The following STPG2 variants were observed in gnomAD, a reference collection of about 807,000 sequenced individuals.
The protein encoded by STPG2 is sperm tail PG-rich repeat containing 2.
In STPG2, 56 loss-of-function variants were observed where a neutral mutation model predicts 54.2. The observed-to-expected ratio is 1.03, with a 90% confidence interval of 0.83 to 1.29. STPG2 has a LOEUF of 1.29. STPG2 is among the 50% of genes most tolerant of loss of function. STPG2 has a pLI of 0.00. For missense variants in STPG2, 596 were observed against 544.9 expected (o/e 1.09, Z -0.93); for synonymous variants, 200 against 181.8 (o/e 1.10, Z -0.81).
intron 6 of STPG2, among the ~76,000 whole-genome samples, chr4:97,980,705 A>G (rs938514265): frequency 6.6e-6 from 1 of 152,238 alleles, no homozygotes; most frequent in Non-Finnish European, 1.5e-5. Flanking sequence ...ACTGTATGTC[A>G]GCAATTTTAT....
intron 8 of STPG2, among the ~76,000 whole-genome samples, chr4:97,901,957 T>C (rs1034285273): frequency 1.3e-5 from 2 of 151,804 alleles, no homozygotes; most frequent in Non-Finnish European, 2.9e-5. Context: ...ACATAGCAGA[T>C]ACATAGAAAA....
At chr4:97,846,574 G>A (rs186469637) in intron 8 of STPG2, among the ~76,000 whole-genome samples, 125 of 145,758 alleles carry the variant, frequency 8.6e-4, no homozygotes, top group African/African-American at 2.8e-3. Context: ...GCAGTGAGCC[G>A]AGACGGTGCC....
At chr4:97,672,714 T>C (rs980146816) in intron 10 of STPG2, among the ~76,000 whole-genome samples, 1 of 152,120 alleles carries the variant, frequency 6.6e-6, no homozygotes, top group African/African-American at 2.4e-5. Context: ...CAGGAGAACA[T>C]GACTGAGTTT....
At chr4:98,047,098 G>A (rs1428454371) in intron 5 of STPG2, among the ~76,000 whole-genome samples, 1 of 152,026 alleles carries the variant, frequency 6.6e-6, no homozygotes, top group Non-Finnish European at 1.5e-5. Flanking sequence ...TAGCCAGAAG[G>A]AGTAGCCACT....
chr4:97,905,710 C>T (rs1340704916), intron 8 of STPG2, among the ~76,000 whole-genome samples: 2 of 151,970 alleles, frequency 1.3e-5, no homozygotes, highest in African/African-American at 4.8e-5. Context: ...TCAGGAAACC[C>T]ATCTCACGTG....
rs534482744 is a variant in STPG2 at position 97,454,489 on chromosome 4, C to A, written c.462+258210G>T. 5.1e-3 allele frequency among the ~76,000 whole-genome samples: 648 copies of A among 126,314 alleles called. 3 individuals carry two copies. The highest frequency in any genetic ancestry group is 0.017 in the African/African-American group (614 of 35,840). 82.9% of individuals were successfully genotyped at this position (126,314 alleles called of 152,430 possible). A position where few individuals can be genotyped will look rare whatever the true frequency, so the allele number is the denominator to read the frequency against. ...GATTGCGCCACTGCAGTCCGCAGTC[C>A]GGCCTGGGCGACAGAGCGAGACTCC... On this transcript the variant is annotated intron_variant, in intron 4 of 4. Transcript: ENST00000522676.
chr4:97,605,334 C>T (rs1733567090), intron 10 of STPG2, among the ~76,000 whole-genome samples: 1 of 151,698 alleles, frequency 6.6e-6, no homozygotes, highest in South Asian at 2.1e-4. Context: ...CTTAGTAGTG[C>T]TGAAAGCATT....
chr4:97,806,672 G>T (rs1023355073), intron 9 of STPG2, among the ~76,000 whole-genome samples: 1 of 152,030 alleles, frequency 6.6e-6, no homozygotes, highest in Non-Finnish European at 1.5e-5. Context: ...GTTCATCAAT[G>T]ATAAAAATAT....
chr4:98,139,567 G>A (rs1273488749), intron 1 of STPG2, among the ~76,000 whole-genome samples: 1 of 152,086 alleles, frequency 6.6e-6, no homozygotes, highest in Non-Finnish European at 1.5e-5. Context: ...TTGTACCTAG[G>A]AAAGAGATGG....
At position 97,680,770 on chromosome 4, in the gene STPG2, T is replaced by C. The variant is rs529651276; in HGVS notation, c.1320+31929A>G. Among the ~76,000 whole-genome samples, 3 of 150,096 alleles carry C rather than the reference T, an allele frequency of 2.0e-5. No individual in the cohort carries two copies. The South Asian group carries it at 6.4e-4, about 32-fold the overall frequency. The stretch of plus-strand genomic sequence containing the variant: ...AATAGCCAGGTGGACCCCCTTTGTC[T>C]GTCTTATCAGAAAAGGTAAATTTTT... On this transcript the variant is annotated intron_variant, in intron 10 of 10. Transcript: ENST00000295268.
intron 7 of STPG2, among the ~76,000 whole-genome samples, chr4:97,956,410 G>A (rs1288361955): frequency 1.6e-4 from 24 of 152,092 alleles, no homozygotes; most frequent in Admixed American, 1.6e-3. Flanking sequence ...TGGGAATCAT[G>A]GCAGACAGGA....
At chr4:97,506,350 G>A (rs1041013672) in intron 4 of STPG2, among the ~76,000 whole-genome samples, 2 of 151,946 alleles carry the variant, frequency 1.3e-5, no homozygotes, top group East Asian at 3.9e-4. Context: ...TTACAGCTGG[G>A]ACATGGAGGT....
At chr4:97,567,213 C>CAT (rs1463621444) in intron 10 of STPG2, among the ~76,000 whole-genome samples, 2 of 147,894 alleles carry the variant, frequency 1.4e-5, no homozygotes, top group Non-Finnish European at 3.0e-5. Context: ...CACACACATA[C>CAT]ACACACACAC....
At chr4:97,860,645 T>C (rs901209532) in intron 8 of STPG2, among the ~76,000 whole-genome samples, 7 of 152,150 alleles carry the variant, frequency 4.6e-5, no homozygotes, top group African/African-American at 1.7e-4. Context: ...GAAATGTTAC[T>C]GAATTCATTT....
intron 7 of STPG2, among the ~76,000 whole-genome samples, chr4:97,967,185 C>CAA (rs58042990): frequency 0.092 from 9,886 of 106,952 alleles, 646 homozygotes; most frequent in Middle Eastern, 0.16. Context: ...AAATGGTAAG[C>CAA]AAAAAAAAAA....
intron 5 of STPG2, among the ~76,000 whole-genome samples, chr4:97,996,001 G>A (rs1198099502): frequency 1.3e-5 from 2 of 152,116 alleles, no homozygotes; most frequent in African/African-American, 4.8e-5. Flanking sequence ...TGTTAAAATA[G>A]CCATACTGCC....
At position 97,593,605 on chromosome 4, in the gene STPG2, T is replaced by C. The variant is rs536375140; in HGVS notation, c.1321-34488A>G. Among the ~76,000 whole-genome samples, 100 of 152,292 alleles carry C rather than the reference T, an allele frequency of 6.6e-4. 1 individual carries two copies. The South Asian group carries it at 9.5e-3, about 14-fold the overall frequency. ...TGCTGCCACTGTGGGCATGAGCACA[T>C]GCAGAAACACTGCAGCCCCAGACCC... is the stretch of plus-strand genomic sequence containing the variant. On this transcript the variant is annotated intron_variant, in intron 10 of 10. Transcript: ENST00000295268.
chr4:98,011,193 G>A (rs1442486670), intron 5 of STPG2, among the ~76,000 whole-genome samples: 2 of 152,032 alleles, frequency 1.3e-5, no homozygotes, highest in South Asian at 2.1e-4. Flanking sequence ...TCCTGTTTAT[G>A]AGTGAGAACA....
rs1729326732 is a variant in STPG2 at position 97,450,099 on chromosome 4, C to T, written c.463-262266G>A. ...CAATCATTAAAAAGTCTAAAGAGAG[C>T]CTTTCGAATAACTATTGAACTAAAG... On this transcript the variant is annotated intron_variant, in intron 4 of 4. Coordinates refer to the STPG2 transcript ENST00000522676. Among the ~76,000 whole-genome samples, 10 of 151,936 alleles carry T rather than the reference C, an allele frequency of 6.6e-5. 1 individual carries two copies. Among genetic ancestry groups the T allele is most frequent in the Admixed American group, 6.6e-4 (10 of 15,264 alleles).
Sources: gnomAD v4.1 joint callset for allele counts (sites outside exome capture counted in the v4.1 genomes callset) on GRCh38, gnomAD v4.1.1 for gene constraint, MANE v1.5 for transcripts, NCBI Gene and HGNC (gene_info 2026-07-23, HGNC 2026-07-21) for gene names.